Variants in CNTNAP2 observed in about 807,000 individuals in gnomAD.
CNTNAP2 encodes contactin associated protein 2, also known as contactin-associated protein-like 2.
Under a neutral mutation model 155.2 loss-of-function variants are expected in CNTNAP2, and 98 were observed. The observed-to-expected ratio is 0.63, with a 90% confidence interval of 0.54 to 0.75. CNTNAP2 has a LOEUF of 0.75. Ranked by LOEUF, CNTNAP2 falls within the 30% of genes least tolerant of loss-of-function variation. The pLI is 0.00. For missense variants in CNTNAP2, 1,727 were observed against 1,688.1 expected (o/e 1.02, Z -0.40); for synonymous variants, 651 against 631.2 (o/e 1.03, Z -0.47).
chr7:146,887,141 T>A (rs1795682148), intron 3 of CNTNAP2, among the ~76,000 whole-genome samples: 1 of 151,934 alleles, frequency 6.6e-6, no homozygotes, highest in Non-Finnish European at 1.5e-5. Flanking sequence ...ATCTACATAG[T>A]TTTTTTGTTT....
chr7:148,033,748 A>G (rs143550951), intron 15 of CNTNAP2, among the ~76,000 whole-genome samples: 11 of 152,342 alleles, frequency 7.2e-5, no homozygotes, highest in African/African-American at 2.6e-4. Flanking sequence ...TGCATTTTTT[A>G]TAGTATGTGC....
chr7:146,878,227 C>T (rs899332530), intron 3 of CNTNAP2, among the ~76,000 whole-genome samples: 1 of 152,266 alleles, frequency 6.6e-6, no homozygotes, highest in East Asian at 1.9e-4. Flanking sequence ...CTGCTGACTT[C>T]TGTCAGTGAC....
At chr7:147,309,206 C>T (rs2116790721) in intron 9 of CNTNAP2, among the ~76,000 whole-genome samples, 1 of 152,262 alleles carries the variant, frequency 6.6e-6, no homozygotes, top group African/African-American at 2.4e-5. Flanking sequence ...TTACATAGTG[C>T]TGAATATCCT....
At chr7:146,432,562 A>C (rs1475800134) in intron 1 of CNTNAP2, among the ~76,000 whole-genome samples, 1 of 152,112 alleles carries the variant, frequency 6.6e-6, no homozygotes, top group Non-Finnish European at 1.5e-5. Context: ...AGTGATTTTG[A>C]AAATGTCCAT....
chr7:148,173,153 A>G (rs1001261237), intron 18 of CNTNAP2, among the ~76,000 whole-genome samples: 5 of 151,762 alleles, frequency 3.3e-5, no homozygotes, highest in Admixed American at 3.3e-4. Context: ...AGCAGAGTAC[A>G]AGAGCCCAAT....
At chr7:147,976,853 G>GT (rs112323123) in intron 14 of CNTNAP2, among the ~76,000 whole-genome samples, 69,878 of 151,580 alleles carry the variant, frequency 0.46, 16,709 homozygotes, top group East Asian at 0.75. Flanking sequence ...ATCAGGGTGG[G>GT]ATTTTTCTGA....
At chr7:148,044,783 A>G (rs1334458182) in intron 15 of CNTNAP2, 2 of 152,278 alleles carry the variant, frequency 1.3e-5, no homozygotes, top group Non-Finnish European at 2.9e-5. Flanking sequence ...AGACTGAGAC[A>G]TGGCTTTTGT....
At chr7:146,213,189 A>G (rs185534332) in intron 1 of CNTNAP2, among the ~76,000 whole-genome samples, 186 of 152,316 alleles carry the variant, frequency 1.2e-3, no homozygotes, top group African/African-American at 4.4e-3. Flanking sequence ...TATAATTTTT[A>G]AAAAGTGAAA....
intron 9 of CNTNAP2, among the ~76,000 whole-genome samples, chr7:147,330,018 T>A (rs1448073022): frequency 6.6e-6 from 1 of 152,126 alleles, no homozygotes; most frequent in Non-Finnish European, 1.5e-5. Context: ...GTGGCAGGAA[T>A]GTCTTTTATT....
Position 147,989,158 on chromosome 7 carries a change from G to C in CNTNAP2, c.2383+11169G>C, listed in dbSNP as rs147675441. 5.3e-5 allele frequency among the ~76,000 whole-genome samples: 8 copies of C among 152,308 alleles called. No homozygotes were observed. In the East Asian group the frequency reaches 1.5e-3, roughly 29 times the overall value. ...TGTTAAAATGCAGATTCTGATTCAGGAAGTCTGGAGCAGGACCTGAGATGC... is the reference window on the plus strand; with the variant it reads ...TGTTAAAATGCAGATTCTGATTCAGCAAGTCTGGAGCAGGACCTGAGATGC... On this transcript the variant is annotated intron_variant, in intron 15 of 23. Coordinates refer to ENST00000361727, the MANE Select transcript of CNTNAP2 (RefSeq NM_014141.6).
At chr7:146,316,951 C>T (rs1394779094) in intron 1 of CNTNAP2, among the ~76,000 whole-genome samples, 1 of 152,008 alleles carries the variant, frequency 6.6e-6, no homozygotes, top group Non-Finnish European at 1.5e-5. Context: ...TTCATTCATT[C>T]ATTCATTCAA....
chr7:146,727,170 C>A (rs188339607), intron 1 of CNTNAP2, among the ~76,000 whole-genome samples: 1 of 151,934 alleles, frequency 6.6e-6, no homozygotes, highest in African/African-American at 2.4e-5. Flanking sequence ...AAAATAAATA[C>A]GAGATATCCC....
At chr7:147,608,138 A>T (rs1163362925) in intron 12 of CNTNAP2, among the ~76,000 whole-genome samples, 1 of 150,940 alleles carries the variant, frequency 6.6e-6, no homozygotes, top group Non-Finnish European at 1.5e-5. Context: ...CATGCTCACG[A>T]CTCTGCTTGC....
chr7:146,480,787 A>G (rs1796949149), intron 1 of CNTNAP2, among the ~76,000 whole-genome samples: 3 of 142,440 alleles, frequency 2.1e-5, no homozygotes, highest in East Asian at 4.2e-4. Context: ...GGTTCACGCC[A>G]TTCTCCTGCC....
At chr7:148,288,954 A>G (rs1432362351) in intron 21 of CNTNAP2, among the ~76,000 whole-genome samples, 1 of 130,456 alleles carries the variant, frequency 7.7e-6, no homozygotes, top group African/African-American at 2.7e-5. Context: ...CAAAAAAAAA[A>G]AAAAAAAAAA....
chr7:147,824,643 C>T (rs976250601), intron 13 of CNTNAP2, among the ~76,000 whole-genome samples: 3 of 152,064 alleles, frequency 2.0e-5, no homozygotes, highest in African/African-American at 7.2e-5. Context: ...TTTGGTCCTC[C>T]CTGGTCATAA....
intron 4 of CNTNAP2, among the ~76,000 whole-genome samples, chr7:147,088,798 G>C (rs574870690): frequency 1.3e-5 from 2 of 152,182 alleles, no homozygotes; most frequent in South Asian, 2.1e-4. Flanking sequence ...ACAAAAATTA[G>C]CTGGACATGG....
At chr7:148,212,678 A>C (rs551671419) in intron 18 of CNTNAP2, among the ~76,000 whole-genome samples, 2 of 152,210 alleles carry the variant, frequency 1.3e-5, no homozygotes, top group Non-Finnish European at 2.9e-5. Flanking sequence ...AGTTATTTTC[A>C]GTTATTCATT....
chr7:148,116,872 A>G lies in CNTNAP2; in HGVS notation c.2384-1246A>G, dbSNP rs1804485726. ...ATTCATTGTGCCTTTTGGAGAAAAG[A>G]TATAGCAAATACCGTGTTTTTTAAA... is the stretch of plus-strand genomic sequence containing the variant. On this transcript the variant is annotated intron_variant, in intron 15 of 23. Transcript: ENST00000361727. Among the ~76,000 whole-genome samples the G allele has an allele frequency of 1.3e-5, 2 of 152,230 alleles. 1 individual carries two copies. The highest frequency in any genetic ancestry group is 4.1e-4 in the South Asian group (2 of 4,836).
Sources: allele counts gnomAD v4.1 joint callset (sites outside exome capture counted in the v4.1 genomes callset), GRCh38; gene constraint gnomAD v4.1.1; transcripts MANE v1.5; gene names NCBI Gene and HGNC (gene_info 2026-07-23, HGNC 2026-07-21).